Variants in EED observed in about 807,000 individuals in gnomAD.
EED encodes embryonic ectoderm development, also known as polycomb protein EED.
In EED, 9 loss-of-function variants were observed where a neutral mutation model predicts 61.0. The observed-to-expected ratio is 0.15, with a 90% confidence interval of 0.09 to 0.26. EED has a LOEUF of 0.26. EED is among the 10% of genes least tolerant of loss of function. The pLI is 1.00. For missense variants in EED, 315 were observed against 542.3 expected, an observed-to-expected ratio of 0.58 and a Z score of 4.16; for synonymous variants, 187 against 174.4, an observed-to-expected ratio of 1.07 and a Z score of -0.57.
At chr11:86,250,968 TTTAAA>T (rs1178528560) in intron 2 of EED, among the ~76,000 whole-genome samples, 1 of 152,106 alleles carries the variant, frequency 6.6e-6, no homozygotes, top group Admixed American at 6.5e-5. Flanking sequence ...GTTTTGGTTA[TTTAAA>T]TTAATCTGTC....
At chr11:86,268,626 TATGTGTGTGC>T in intron 9 of EED, 65 bp downstream of exon 9, 4 of 1,129,984 alleles carry the variant, frequency 3.5e-6, no homozygotes, top group Admixed American at 2.5e-5. Context: ...TGTGTGTGTG[TATGTGTGTGC>T]GCATGTTGGA....
At chr11:86,283,833 T>A in the EED span, 1 of 132,836 alleles carries the variant, frequency 7.5e-6, no homozygotes, top group Non-Finnish European at 1.6e-5. Flanking sequence ...GATCTAACAA[T>A]ATATTTAATT....
chr11:86,264,528 T>C (rs1945926586), intron 7 of EED: 1 of 296,840 alleles, frequency 3.4e-6, no homozygotes, highest in African/African-American at 2.2e-5. Context: ...CCTTTCCTTT[T>C]AATCTAAAAT....
intron 9 of EED, among the ~76,000 whole-genome samples, chr11:86,272,709 CTT>C (rs960455393): frequency 6.6e-6 from 1 of 152,112 alleles, no homozygotes; most frequent in African/African-American, 2.4e-5. Flanking sequence ...GGAATTGTCT[CTT>C]TTTTCATTAC....
chr11:86,259,826 T>C (rs1250666553), intron 6 of EED, among the ~76,000 whole-genome samples: 1 of 152,210 alleles, frequency 6.6e-6, no homozygotes, highest in Non-Finnish European at 1.5e-5. Flanking sequence ...TTAGGGTGGC[T>C]GTAATAAAAA....
intron 9 of EED, among the ~76,000 whole-genome samples, chr11:86,269,533 T>A (rs557069549): frequency 1.3e-5 from 2 of 152,320 alleles, no homozygotes; most frequent in Non-Finnish European, 2.9e-5. Flanking sequence ...TGTAAACTGT[T>A]TTTTTCTTTT....
chr11:86,262,200 A>G (rs929257683), intron 6 of EED, among the ~76,000 whole-genome samples: 1 of 151,704 alleles, frequency 6.6e-6, no homozygotes, highest in Non-Finnish European at 1.5e-5. Flanking sequence ...TTTTCTTTAC[A>G]TGGCCAGGCT....
chr11:86,285,397 G>A, the EED span, among the ~76,000 whole-genome samples: 1 of 151,920 alleles, frequency 6.6e-6, no homozygotes, highest in African/African-American at 2.4e-5. Context: ...TCCAGCCAGG[G>A]TGACAGAGCA....
rs11234595 is a variant in EED, at chr11:86,256,256, A to G, written c.427-131A>G. 246,765 of 781,990 alleles carry G rather than the reference A, an allele frequency of 0.32. 41,349 individuals carry two copies. Among genetic ancestry groups the G allele is most frequent in the Non-Finnish European group, 0.35 (189,141 of 535,296 alleles). The allele number at this position is 781,990 out of a possible 1,614,324, so 48.4% of individuals were successfully genotyped here. ...TAGACCTCAAATCACCATTGTATATATTTGGTTGTATAAGGAAAATTGAGA... is the reference window on the plus strand; with the variant it reads ...TAGACCTCAAATCACCATTGTATATGTTTGGTTGTATAAGGAAAATTGAGA... On this transcript the variant is annotated intron_variant, in intron 4 of 11. Coordinates refer to ENST00000263360, the MANE Select transcript of EED (RefSeq NM_003797.5).
the EED span, among the ~76,000 whole-genome samples, chr11:86,286,847 C>T: frequency 2.6e-5 from 4 of 151,730 alleles, no homozygotes; most frequent in Non-Finnish European, 5.9e-5. Context: ...TGGTGGGCAC[C>T]TGTAGTCCCA....
chr11:86,245,154 G>C lies in EED; in HGVS notation c.-76G>C, dbSNP rs1179687118. 8 of 1,259,312 alleles carry C rather than the reference G, an allele frequency of 6.4e-6. No homozygotes were observed. The East Asian group carries it at 1.1e-4, about 17-fold the overall frequency. 78.0% of individuals were successfully genotyped at this position (1,259,312 alleles called of 1,614,324 possible). A position where few individuals can be genotyped will look rare whatever the true frequency, so the allele number is the denominator to read the frequency against. The stretch of plus-strand genomic sequence containing the variant: ...GCAGCGGCAACTTTGCGGCAAGCTC[G>C]GGCCGGGCTTGCTTGACGGCGGTGT... On this transcript the variant is annotated 5_prime_UTR_variant, in exon 1 of 12. Transcript: ENST00000263360.
At chr11:86,282,626 CAT>C (rs1946336619), downstream of EED, among the ~76,000 whole-genome samples, 1 of 152,174 alleles carries the variant, frequency 6.6e-6, no homozygotes, top group South Asian at 2.1e-4. Context: ...TGCCCCAACA[CAT>C]ATGGTAGTAC....
At chr11:86,267,744 C>T (rs558788042) in intron 8 of EED, among the ~76,000 whole-genome samples, 1 of 150,196 alleles carries the variant, frequency 6.7e-6, no homozygotes, top group Non-Finnish European at 1.5e-5. Flanking sequence ...GGATTACAGG[C>T]GGCCGCCACC....
chr11:86,284,956 C>G, the EED span, among the ~76,000 whole-genome samples: 1,634 of 151,770 alleles, frequency 0.011, 18 homozygotes, highest in Non-Finnish European at 0.019. Flanking sequence ...ACCAAAAATA[C>G]AAAAGTTAGC....
At chr11:86,281,954 A>T (rs545067498), downstream of EED, among the ~76,000 whole-genome samples, 20 of 152,376 alleles carry the variant, frequency 1.3e-4, no homozygotes, top group South Asian at 2.3e-3. Flanking sequence ...CGAAAAGACA[A>T]GACAGGGTTG....
rs190761315 is a variant in EED, at chr11:86,253,366, A to G, written c.360+1126A>G. Reference sequence around the variant, plus strand: ...AATTAAATTTGAGTCCACTTTTAAGACACCACTGTAAACCTAAGTTAATAT... The same window carrying G: ...AATTAAATTTGAGTCCACTTTTAAGGCACCACTGTAAACCTAAGTTAATAT... On this transcript the variant is annotated intron_variant, in intron 3 of 11. Coordinates refer to ENST00000263360, the MANE Select transcript of EED (RefSeq NM_003797.5). Among the ~76,000 whole-genome samples the G allele has an allele frequency of 2.1e-3, 315 of 152,314 alleles. 3 individuals are homozygous for G. Among genetic ancestry groups the G allele is most frequent in the Admixed American group, 3.8e-3 (58 of 15,304 alleles).
chr11:86,277,076 C>T lies in EED; in HGVS notation c.1063C>T (p.Arg355Ter). The change falls in exon 10 of 12, where the codon CGA (arginine) becomes TGA (stop). Residue 355 changes from arginine to a stop codon, truncating the protein, a stop_gained. Coordinates refer to ENST00000263360, the MANE Select transcript of EED (RefSeq NM_003797.5). LOFTEE classifies it high-confidence loss of function. Reference protein sequence around the residue: ...PSESNVTILGRFDYSQCDIWY... With the variant: ...PSESNVTILG Reference sequence around the variant, plus strand: ...TGAATCTAATGTGACTATTCTTGGGCGATTTGATTACAGCCAGTGTGACAT... The same window carrying T: ...TGAATCTAATGTGACTATTCTTGGGTGATTTGATTACAGCCAGTGTGACAT... The T allele has an allele frequency of 6.3e-7, 1 of 1,593,006 alleles. No homozygotes were observed. The highest frequency in any genetic ancestry group is 8.6e-7 in the Non-Finnish European group (1 of 1,166,000).
At chr11:86,268,039 G>C (rs1946025716) in intron 8 of EED, 1 of 153,896 alleles carries the variant, frequency 6.5e-6, no homozygotes, top group Non-Finnish European at 1.4e-5. Flanking sequence ...TTTTGAAATA[G>C]TGTAGATATA....
intron 6 of EED, among the ~76,000 whole-genome samples, chr11:86,259,723 A>C (rs1303085393): frequency 1.3e-5 from 2 of 152,256 alleles, no homozygotes; most frequent in Non-Finnish European, 2.9e-5. Context: ...GAGCATACAC[A>C]GATGGCCACT....
Sources: gnomAD v4.1 joint callset for allele counts (sites outside exome capture counted in the v4.1 genomes callset) on GRCh38, gnomAD v4.1.1 for gene constraint, MANE v1.5 for transcripts, NCBI Gene and HGNC (gene_info 2026-07-23, HGNC 2026-07-21) for gene names.